PDE8B: variants seen among roughly 807,000 people sequenced by gnomAD.
PDE8B encodes high affinity cAMP-specific and IBMX-insensitive 3',5'-cyclic phosphodiesterase 8B.
In PDE8B, 26 loss-of-function variants were observed where a neutral mutation model predicts 101.3. The observed-to-expected ratio is 0.26, with a 90% CI of 0.19 to 0.36. The LOEUF (loss-of-function observed/expected upper bound fraction) is 0.36. Ranked by LOEUF, PDE8B falls within the 10% of genes least tolerant of loss-of-function variation. The probability of loss-of-function intolerance (pLI) is 1.00; values close to 1 mark genes in which losing one functional copy is unlikely to be tolerated. For missense variants in PDE8B, 810 were observed against 1,163.1 expected (o/e 0.70, Z 4.42); for synonymous variants, 424 against 429.3 (o/e 0.99, Z 0.15).
At chr5:77,247,707 C>A (rs538063746) in intron 1 of PDE8B, among the ~76,000 whole-genome samples, 1 of 152,278 alleles carries the variant, frequency 6.6e-6, no homozygotes, top group South Asian at 2.1e-4. Context: ...AGTCTCCCTC[C>A]TGTATCTAGG....
At chr5:77,352,686 C>CA (rs1448293520) in intron 9 of PDE8B, among the ~76,000 whole-genome samples, 1 of 152,056 alleles carries the variant, frequency 6.6e-6, no homozygotes, top group Non-Finnish European at 1.5e-5. Flanking sequence ...CTTCTGGGGG[C>CA]AAAAAACCTA....
the PDE8B span, among the ~76,000 whole-genome samples, chr5:77,108,836 A>G: frequency 6.6e-6 from 1 of 152,148 alleles, no homozygotes; most frequent in East Asian, 1.9e-4. Flanking sequence ...TGTTGTCAGC[A>G]TTGCTTTTTT....
At chr5:77,423,212 T>G (rs900315103) in intron 20 of PDE8B, among the ~76,000 whole-genome samples, 1 of 152,252 alleles carries the variant, frequency 6.6e-6, no homozygotes, top group African/African-American at 2.4e-5. Context: ...TATGGCTGCA[T>G]AGTATTCCAT....
At position 77,329,022 on chromosome 5, in the gene PDE8B, C is replaced by T. The variant is rs370696702; in HGVS notation, c.615C>T (p.Ser205=). ...VCRSIRATNP[S]EHTVILAVVS... ...GGTCGATCCGGGCCACAAATCCCTC[C>T]GAGCACACGGTGATCCTCGCAGTGG... Residue 205 remains serine, a synonymous_variant, in exon 4 of 22, where the codon TCC becomes TCT. Coordinates refer to ENST00000264917, the MANE Select transcript of PDE8B (RefSeq NM_003719.5). 93 of 1,614,046 alleles carry T rather than the reference C, an allele frequency of 5.8e-5. No homozygotes were observed. The highest frequency in any genetic ancestry group is 3.3e-4 in the Middle Eastern group (2 of 6,036).
chr5:77,242,651 T>C (rs1394091135), intron 1 of PDE8B, among the ~76,000 whole-genome samples: 2 of 152,186 alleles, frequency 1.3e-5, no homozygotes, highest in Admixed American at 1.3e-4. Context: ...CAGTCAAATT[T>C]CTTTTTCTTT....
intron 11 of PDE8B, 35 bp from the exon 12 acceptor site, chr5:77,404,685 C>A (rs757190832): frequency 8.1e-7 from 1 of 1,237,346 alleles, no homozygotes; most frequent in Non-Finnish European, 1.2e-6. Flanking sequence ...ACACGGAAAA[C>A]TAATCACCTT....
chr5:77,187,201 G>C, the PDE8B span, among the ~76,000 whole-genome samples: 33 of 152,218 alleles, frequency 2.2e-4, no homozygotes, highest in African/African-American at 7.7e-4. Context: ...TGACACAAAA[G>C]TTATTGTTTA....
chr5:77,179,889 T>C, the PDE8B span, among the ~76,000 whole-genome samples: 1 of 152,256 alleles, frequency 6.6e-6, no homozygotes, highest in Admixed American at 6.5e-5. Flanking sequence ...ATTCTTCTAC[T>C]TGGAGGAAAA....
At chr5:77,364,285 A>G (rs566532771) in intron 10 of PDE8B, among the ~76,000 whole-genome samples, 1 of 152,322 alleles carries the variant, frequency 6.6e-6, no homozygotes, top group Admixed American at 6.5e-5. Flanking sequence ...AACTGCACCT[A>G]AAACCCAGCC....
chr5:77,207,723 G>T (rs1255875861), upstream of PDE8B, among the ~76,000 whole-genome samples: 1 of 152,172 alleles, frequency 6.6e-6, no homozygotes, highest in Admixed American at 6.5e-5. Flanking sequence ...AATGATTTCA[G>T]TTAAACCATT....
At chr5:77,192,252 T>A in the PDE8B span, among the ~76,000 whole-genome samples, 2 of 152,214 alleles carry the variant, frequency 1.3e-5, no homozygotes, top group African/African-American at 4.8e-5. Flanking sequence ...TCTTGTAATG[T>A]GTCCACATAA....
intron 7 of PDE8B, 32 bp from the exon 8 acceptor site, chr5:77,349,387 C>T (rs549606033): frequency 1.2e-6 from 2 of 1,613,586 alleles, no homozygotes; most frequent in South Asian, 1.1e-5. Context: ...CTTGTGTCCC[C>T]GCACTGATCT....
intron 1 of PDE8B, among the ~76,000 whole-genome samples, chr5:77,276,944 C>T (rs1308207861): frequency 6.6e-6 from 1 of 152,068 alleles, no homozygotes; most frequent in Non-Finnish European, 1.5e-5. Flanking sequence ...TGACTAGTTG[C>T]TCCAACAATG....
the PDE8B span, chr5:77,113,530 C>T: frequency 6.6e-6 from 1 of 152,202 alleles, no homozygotes; most frequent in African/African-American, 2.4e-5. Flanking sequence ...GGATTAACGA[C>T]TTAATGTAAG....
rs146068930 is a variant in PDE8B at position 77,363,654 on chromosome 5, G to A, written c.1167+10248G>A. ...TTGAATCCAGGAGGCGGAGGTTGCC[G>A]TGAGCCGAGATCCCACCATTACACT... On this transcript the variant is annotated intron_variant, in intron 10 of 21. Coordinates refer to ENST00000264917, the MANE Select transcript of PDE8B (RefSeq NM_003719.5). 1.3e-3 allele frequency among the ~76,000 whole-genome samples: 199 copies of A among 150,750 alleles called. 2 individuals carry two copies. Among genetic ancestry groups the A allele is most frequent in the African/African-American group, 4.6e-3 (187 of 40,928 alleles).
At chr5:77,194,434 A>T in the PDE8B span, among the ~76,000 whole-genome samples, 2 of 152,210 alleles carry the variant, frequency 1.3e-5, no homozygotes, top group Admixed American at 1.3e-4. Context: ...TTGTGGTAAA[A>T]TACCCATAAC....
rs546511454 is a variant in PDE8B at position 77,309,681 on chromosome 5, G to A, written c.340-2313G>A. 2.0e-3 allele frequency among the ~76,000 whole-genome samples: 307 copies of A among 151,850 alleles called. 1 individual carries two copies. The highest frequency in any genetic ancestry group is 7.1e-3 in the African/African-American group (292 of 41,384). ...GCTGCCCAGGCTGAAGTGTAGTGGTGTGATCTTGGCTCACTGCAGCCTCCA... is the reference window on the plus strand; with the variant it reads ...GCTGCCCAGGCTGAAGTGTAGTGGTATGATCTTGGCTCACTGCAGCCTCCA... On this transcript the variant is annotated intron_variant, in intron 1 of 21. Coordinates refer to ENST00000264917, the MANE Select transcript of PDE8B (RefSeq NM_003719.5).
At chr5:77,230,237 T>C (rs557397604) in intron 1 of PDE8B, among the ~76,000 whole-genome samples, 1 of 152,210 alleles carries the variant, frequency 6.6e-6, no homozygotes, top group African/African-American at 2.4e-5. Flanking sequence ...AATCTCAACA[T>C]GAACTTGGGT....
At chr5:77,271,505 G>T (rs1762802200) in intron 1 of PDE8B, among the ~76,000 whole-genome samples, 1 of 152,236 alleles carries the variant, frequency 6.6e-6, no homozygotes. Context: ...ACTGTGGAAT[G>T]AAGAAGGTAG....
Sources: gnomAD v4.1 joint callset for allele counts (sites outside exome capture counted in the v4.1 genomes callset) on GRCh38, gnomAD v4.1.1 for gene constraint, MANE v1.5 for transcripts, NCBI Gene and HGNC (gene_info 2026-07-23, HGNC 2026-07-21) for gene names.